The following HIBADH variants were observed in gnomAD, a reference collection of about 807,000 sequenced individuals.
The protein encoded by HIBADH is 3-hydroxyisobutyrate dehydrogenase, mitochondrial.
Under a neutral mutation model 36.1 loss-of-function variants are expected in HIBADH, and 25 were observed. The ratio of observed to expected loss-of-function variants is 0.69; its 90% CI spans 0.50 to 0.97. The LOEUF is 0.97. Ranked by LOEUF, HIBADH falls within the 50% of genes least tolerant of loss-of-function variation. The pLI, the probability that HIBADH is intolerant of heterozygous loss-of-function variation, is 0.00. For synonymous variants in HIBADH, 160 were observed against 149.5 expected (o/e 1.07, Z -0.51); for missense variants, 421 against 418.0 (o/e 1.01, Z -0.06).
At chr7:27,575,203 T>TA (rs1192538090) in intron 4 of HIBADH, among the ~76,000 whole-genome samples, 1 of 152,242 alleles carries the variant, frequency 6.6e-6, no homozygotes, top group African/African-American at 2.4e-5. Flanking sequence ...TCTCTGGACT[T>TA]ACAGTGTAGC....
chr7:27,658,383 C>T (rs1262292393), intron 1 of HIBADH, among the ~76,000 whole-genome samples: 1 of 152,044 alleles, frequency 6.6e-6, no homozygotes, highest in Non-Finnish European at 1.5e-5. Context: ...TTACTGAGGA[C>T]GAATGAAAAG....
At chr7:27,597,003 CTT>C (rs1228135752) in intron 4 of HIBADH, among the ~76,000 whole-genome samples, 1 of 151,810 alleles carries the variant, frequency 6.6e-6, no homozygotes, top group Non-Finnish European at 1.5e-5. Context: ...GCAATAAAAA[CTT>C]TTTTTAAATA....
intron 4 of HIBADH, among the ~76,000 whole-genome samples, chr7:27,557,777 C>A (rs1784413985): frequency 1.3e-5 from 2 of 152,222 alleles, no homozygotes; most frequent in Non-Finnish European, 2.9e-5. Context: ...AAAGACCCCA[C>A]CTCTTAATAT....
intron 4 of HIBADH, among the ~76,000 whole-genome samples, chr7:27,551,137 T>C (rs747650812): frequency 1.3e-5 from 2 of 150,746 alleles, no homozygotes; most frequent in African/African-American, 2.5e-5. Context: ...TTTTAAAAGC[T>C]CAACTTTGGG....
intron 4 of HIBADH, among the ~76,000 whole-genome samples, chr7:27,628,462 A>G (rs1276154937): frequency 6.6e-6 from 1 of 152,144 alleles, no homozygotes; most frequent in Non-Finnish European, 1.5e-5. Context: ...TGTACACAGT[A>G]ATTCTGATTA....
At chr7:27,568,140 C>T (rs112940084) in intron 4 of HIBADH, among the ~76,000 whole-genome samples, 1 of 152,162 alleles carries the variant, frequency 6.6e-6, no homozygotes, top group Non-Finnish European at 1.5e-5. Flanking sequence ...TGTTTCTCTT[C>T]TTTCCTGCAG....
At chr7:27,558,471 A>G (rs768480837) in intron 4 of HIBADH, among the ~76,000 whole-genome samples, 1 of 152,050 alleles carries the variant, frequency 6.6e-6, no homozygotes, top group Non-Finnish European at 1.5e-5. Context: ...GGGACCACAG[A>G]CAGGCATGAC....
intron 7 of HIBADH, among the ~76,000 whole-genome samples, chr7:27,527,515 T>A (rs952230296): frequency 6.6e-6 from 1 of 152,182 alleles, no homozygotes; most frequent in Non-Finnish European, 1.5e-5. Flanking sequence ...AAGCCAAGTA[T>A]GGGCACATCT....
chr7:27,573,025 T>C (rs577657837), intron 4 of HIBADH, among the ~76,000 whole-genome samples: 1 of 152,276 alleles, frequency 6.6e-6, no homozygotes, highest in Non-Finnish European at 1.5e-5. Context: ...ATTAAGATTA[T>C]ATATACTGGT....
intron 3 of HIBADH, among the ~76,000 whole-genome samples, chr7:27,629,717 C>A (rs947721421): frequency 7.2e-5 from 11 of 151,932 alleles, no homozygotes; most frequent in Non-Finnish European, 1.6e-4. Context: ...CCAAAAAAAA[C>A]CTAATAAAAC....
chr7:27,542,395 G>A (rs1457452524), intron 5 of HIBADH, among the ~76,000 whole-genome samples: 3 of 150,850 alleles, frequency 2.0e-5, no homozygotes, highest in Non-Finnish European at 2.9e-5. Flanking sequence ...TAGTTGCTGG[G>A]ATGACAGACA....
At chr7:27,602,721 T>G (rs996903590) in intron 4 of HIBADH, among the ~76,000 whole-genome samples, 21 of 152,298 alleles carry the variant, frequency 1.4e-4, no homozygotes, top group African/African-American at 4.6e-4. Flanking sequence ...TGAAGATTAC[T>G]GACAAATAAG....
At chr7:27,553,343 G>T (rs999867386) in intron 4 of HIBADH, among the ~76,000 whole-genome samples, 1 of 152,162 alleles carries the variant, frequency 6.6e-6, no homozygotes, top group African/African-American at 2.4e-5. Context: ...AGCAATAGCC[G>T]TTCTTCTATC....
At chr7:27,606,188 G>A (rs924287853) in intron 4 of HIBADH, among the ~76,000 whole-genome samples, 2 of 152,140 alleles carry the variant, frequency 1.3e-5, no homozygotes, top group East Asian at 3.9e-4. Context: ...GGGTAAGATG[G>A]AGTAACCAAG....
Position 27,591,890 on chromosome 7 carries a change from G to C in HIBADH, c.484+37481C>G, listed in dbSNP as rs80120854. On this transcript the variant is annotated intron_variant, in intron 4 of 7. Coordinates refer to ENST00000265395, the MANE Select transcript of HIBADH (RefSeq NM_152740.4). The stretch of plus-strand genomic sequence containing the variant: ...CAATGTAAATGCTTTTCTGAATACA[G>C]TGATTCTAGAAGAACCTTCATGTGA... 2.6e-5 allele frequency among the ~76,000 whole-genome samples: 4 copies of C among 152,250 alleles called. No individual in the cohort carries two copies. The East Asian group carries it at 7.7e-4, about 29-fold the overall frequency.
chr7:27,575,891 C>A (rs1216922481), intron 4 of HIBADH, among the ~76,000 whole-genome samples: 1 of 152,210 alleles, frequency 6.6e-6, no homozygotes, highest in Admixed American at 6.5e-5. Context: ...GCAACAGCAG[C>A]AGCAGCATGC....
At chr7:27,559,524 T>C (rs1164346338) in intron 4 of HIBADH, among the ~76,000 whole-genome samples, 5 of 151,958 alleles carry the variant, frequency 3.3e-5, no homozygotes, top group Admixed American at 1.3e-4. Context: ...CCCAGCTTCT[T>C]AGGAGGCTGA....
At chr7:27,571,585 A>G (rs2128188141) in intron 4 of HIBADH, among the ~76,000 whole-genome samples, 1 of 152,314 alleles carries the variant, frequency 6.6e-6, no homozygotes, top group African/African-American at 2.4e-5. Context: ...TGGAAACATC[A>G]GTATCTACAG....
At chr7:27,650,952 C>T (rs1786180606) in intron 1 of HIBADH, among the ~76,000 whole-genome samples, 1 of 152,114 alleles carries the variant, frequency 6.6e-6, no homozygotes, top group Admixed American at 6.5e-5. Flanking sequence ...CAGAGACAGA[C>T]ACAAGCAACG....
Sources: allele counts gnomAD v4.1 joint callset (sites outside exome capture counted in the v4.1 genomes callset), GRCh38; gene constraint gnomAD v4.1.1; transcripts MANE v1.5; gene names NCBI Gene and HGNC (gene_info 2026-07-23, HGNC 2026-07-21).